The following PALM2AKAP2 variants were observed in gnomAD, a reference collection of about 807,000 sequenced individuals.
PALM2AKAP2 encodes the protein PALM2-AKAP2 fusion protein.
A neutral mutation model predicts 71.5 loss-of-function variants in PALM2AKAP2; 37 were observed. The observed-to-expected ratio is 0.52, with a 90% CI of 0.40 to 0.68. PALM2AKAP2 has a LOEUF of 0.68. Among genes scored for constraint, PALM2AKAP2 ranks in the 30% least tolerant of loss-of-function variants. The probability of loss-of-function intolerance (pLI) is 0.00; values close to 1 mark genes in which losing one functional copy is unlikely to be tolerated. For missense variants in PALM2AKAP2, 1,224 were observed against 1,191.8 expected (o/e 1.03, Z -0.40); for synonymous variants, 468 against 478.8 (o/e 0.98, Z 0.29).
intron 7 of PALM2AKAP2, among the ~76,000 whole-genome samples, chr9:110,032,612 C>G (rs1327896788): frequency 6.6e-6 from 1 of 151,562 alleles, no homozygotes; most frequent in Non-Finnish European, 1.5e-5. Flanking sequence ...AATCGCTTGA[C>G]CCCAGGAGGA....
intron 1 of PALM2AKAP2, among the ~76,000 whole-genome samples, chr9:110,133,774 A>G (rs1296216178): frequency 6.6e-6 from 1 of 152,134 alleles, no homozygotes; most frequent in Non-Finnish European, 1.5e-5. Context: ...AGGGTGCCAT[A>G]GGTAATCTGA....
intron 2 of PALM2AKAP2, among the ~76,000 whole-genome samples, chr9:109,872,627 C>T (rs1169497893): frequency 2.0e-5 from 3 of 152,204 alleles, no homozygotes; most frequent in Admixed American, 2.0e-4. Flanking sequence ...AAGACCACAG[C>T]CTTTTCTTCC....
At chr9:109,843,301 C>CAAAAAA (rs35634219) in intron 1 of PALM2AKAP2, among the ~76,000 whole-genome samples, 55 of 66,866 alleles carry the variant, frequency 8.2e-4, no homozygotes, top group African/African-American at 1.5e-3. Flanking sequence ...GCCCCTGTCT[C>CAAAAAA]AAAAAAAAAA....
At chr9:109,800,332 C>T (rs897852207) in intron 1 of PALM2AKAP2, among the ~76,000 whole-genome samples, 1 of 152,198 alleles carries the variant, frequency 6.6e-6, no homozygotes, top group African/African-American at 2.4e-5. Flanking sequence ...AATACTACCG[C>T]ATTTAATGGA....
intron 7 of PALM2AKAP2, among the ~76,000 whole-genome samples, chr9:110,026,610 C>A (rs1028439675): frequency 2.0e-5 from 3 of 152,188 alleles, no homozygotes; most frequent in African/African-American, 7.2e-5. Context: ...AACCAAAACT[C>A]TCTACCCATT....
chr9:109,703,869 A>G (rs1234022382), intron 1 of PALM2AKAP2, among the ~76,000 whole-genome samples: 1 of 152,164 alleles, frequency 6.6e-6, no homozygotes, highest in Admixed American at 6.5e-5. Flanking sequence ...GGATATAAGA[A>G]AATTTGTATT....
chr9:109,723,944 C>G (rs1246372669), intron 1 of PALM2AKAP2, among the ~76,000 whole-genome samples: 1 of 152,116 alleles, frequency 6.6e-6, no homozygotes, highest in East Asian at 1.9e-4. Context: ...ATGTCAGGAC[C>G]AGAAGTTTGG....
chr9:110,140,282 T>C (rs1435523974), intron 2 of PALM2AKAP2, among the ~76,000 whole-genome samples: 2 of 152,240 alleles, frequency 1.3e-5, no homozygotes, highest in Non-Finnish European at 2.9e-5. Flanking sequence ...GGCTAACTTG[T>C]ATGTCCTTTG....
chr9:109,658,856 A>G (rs1371516845), intron 1 of PALM2AKAP2, among the ~76,000 whole-genome samples: 1 of 152,262 alleles, frequency 6.6e-6, no homozygotes, highest in Non-Finnish European at 1.5e-5. Flanking sequence ...ATTTTTAAGA[A>G]AAAATACAAT....
chr9:109,862,867 C>T (rs1444237380), intron 1 of PALM2AKAP2: 5 of 507,800 alleles, frequency 9.8e-6, no homozygotes, highest in African/African-American at 1.9e-5. Flanking sequence ...GCAATAAGAA[C>T]AAAACTAAGA....
intron 3 of PALM2AKAP2, among the ~76,000 whole-genome samples, chr9:109,915,784 A>T (rs1350149873): frequency 1.3e-5 from 2 of 152,122 alleles, no homozygotes; most frequent in East Asian, 3.8e-4. Flanking sequence ...TTAGTATTAT[A>T]ATAATTATTA....
intron 1 of PALM2AKAP2, among the ~76,000 whole-genome samples, chr9:110,058,620 C>T (rs1340628161): frequency 6.6e-6 from 1 of 152,128 alleles, no homozygotes; most frequent in Non-Finnish European, 1.5e-5. Context: ...CTTTTCCTCC[C>T]TGCCTGCGTG....
At chr9:109,894,381 G>C (rs1224641394) in intron 3 of PALM2AKAP2, among the ~76,000 whole-genome samples, 2 of 152,172 alleles carry the variant, frequency 1.3e-5, no homozygotes, top group Non-Finnish European at 2.9e-5. Flanking sequence ...AGTTGTCTGA[G>C]TGATGTCCTG....
chr9:109,672,651 A>AT lies in PALM2AKAP2; in HGVS notation c.5+31791dup, dbSNP rs1827591509. On this transcript the variant is annotated intron_variant, in intron 1 of 6. Coordinates refer to the PALM2AKAP2 transcript ENST00000374531. ...AGTTAGGGAGAAGTCTCTCCTGCTCATTTTTTGGGAATAGTTTTAGTAGAA... is the reference window on the plus strand; with the variant it reads ...AGTTAGGGAGAAGTCTCTCCTGCTCATTTTTTTGGGAATAGTTTTAGTAGAA... 2.6e-5 allele frequency among the ~76,000 whole-genome samples: 4 copies of AT among 152,090 alleles called. No individual in the cohort carries two copies. The South Asian group carries it at 6.2e-4, about 24-fold the overall frequency.
At chr9:110,168,575 A>G in exon 4 of PALM2AKAP2, 1 of 1,526,602 alleles carries the variant, frequency 6.6e-7, no homozygotes, top group Non-Finnish European at 8.9e-7. Flanking sequence ...AAGCATTTTA[A>G]TGGACTATTT....
intron 5 of PALM2AKAP2, 68 bp downstream of exon 5, chr9:109,925,150 C>G (rs911594236): frequency 2.5e-6 from 4 of 1,604,118 alleles, no homozygotes; most frequent in Non-Finnish European, 3.4e-6. Context: ...GTTTCATTAA[C>G]AGGGGCTTAA....
intron 3 of PALM2AKAP2, among the ~76,000 whole-genome samples, chr9:109,894,542 T>G (rs942392499): frequency 2.6e-5 from 4 of 152,116 alleles, no homozygotes; most frequent in Non-Finnish European, 5.9e-5. Context: ...TTTAGAAACT[T>G]TAATAGCAAT....
chr9:109,646,094 G>A (rs973120412), intron 1 of PALM2AKAP2, among the ~76,000 whole-genome samples: 5 of 152,182 alleles, frequency 3.3e-5, no homozygotes, highest in African/African-American at 1.2e-4. Flanking sequence ...TTAGTGACAT[G>A]CTCTGTACTG....
intron 2 of PALM2AKAP2, among the ~76,000 whole-genome samples, chr9:109,872,451 G>A (rs1045203118): frequency 1.3e-5 from 2 of 152,114 alleles, no homozygotes; most frequent in Non-Finnish European, 1.5e-5. Flanking sequence ...CTTGGAGACT[G>A]TCATATTTAC....
Sources: gnomAD v4.1 joint callset for allele counts (sites outside exome capture counted in the v4.1 genomes callset) on GRCh38, gnomAD v4.1.1 for gene constraint, MANE v1.5 for transcripts, NCBI Gene and HGNC (gene_info 2026-07-23, HGNC 2026-07-21) for gene names.